SLC9A9: variants seen among roughly 807,000 people sequenced by gnomAD.
The protein encoded by SLC9A9 is solute carrier family 9 member A9, also known as sodium/hydrogen exchanger 9.
In SLC9A9, 62 loss-of-function variants were observed where a neutral mutation model predicts 77.8. That is an observed-to-expected ratio of 0.80 (90% CI 0.65 to 0.98). SLC9A9 has a LOEUF of 0.98. SLC9A9 is among the 50% of genes least tolerant of loss of function. The probability of loss-of-function intolerance (pLI) is 0.00; values close to 1 mark genes in which losing one functional copy is unlikely to be tolerated. For missense variants in SLC9A9, 775 were observed against 774.9 expected (o/e 1.00, Z 0.00); for synonymous variants, 320 against 283.5 (o/e 1.13, Z -1.29).
At chr3:143,738,088 C>T (rs148518505) in intron 4 of SLC9A9, among the ~76,000 whole-genome samples, 3 of 152,282 alleles carry the variant, frequency 2.0e-5, no homozygotes, top group South Asian at 2.1e-4. Flanking sequence ...GACTCTGTTA[C>T]CACTGATATG....
chr3:143,677,468 T>C (rs1560026735), intron 5 of SLC9A9, among the ~76,000 whole-genome samples: 1 of 152,232 alleles, frequency 6.6e-6, no homozygotes, highest in African/African-American at 2.4e-5. Flanking sequence ...TACACATTCT[T>C]GTTCATATAT....
chr3:143,826,783 T>TC (rs1168199456), intron 2 of SLC9A9, among the ~76,000 whole-genome samples: 2 of 151,978 alleles, frequency 1.3e-5, no homozygotes, highest in African/African-American at 4.8e-5. Flanking sequence ...CTCCCCTCTG[T>TC]CCCCCCAACA....
intron 14 of SLC9A9, among the ~76,000 whole-genome samples, chr3:143,355,764 G>A (rs377531887): frequency 2.0e-5 from 3 of 152,192 alleles, no homozygotes; most frequent in Non-Finnish European, 2.9e-5. Context: ...CTTGATAAAC[G>A]TGATAAGCGA....
At chr3:143,477,606 AT>A (rs200077632) in intron 11 of SLC9A9, among the ~76,000 whole-genome samples, 1,764 of 152,146 alleles carry the variant, frequency 0.012, 31 homozygotes, top group African/African-American at 0.04. Flanking sequence ...ACCCAGTTCC[AT>A]TGTTACATCA....
intron 8 of SLC9A9, among the ~76,000 whole-genome samples, chr3:143,557,694 G>A (rs2037010955): frequency 6.6e-6 from 1 of 152,214 alleles, no homozygotes; most frequent in African/African-American, 2.4e-5. Context: ...CTTTAGCAAA[G>A]AGACTGGTGG....
At chr3:143,646,008 C>T (rs964193428) in intron 6 of SLC9A9, among the ~76,000 whole-genome samples, 1 of 151,990 alleles carries the variant, frequency 6.6e-6, no homozygotes, top group South Asian at 2.1e-4. Context: ...CCCAAAACAG[C>T]CAACATCTTC....
At chr3:143,839,281 G>A (rs1172567120) in intron 1 of SLC9A9, among the ~76,000 whole-genome samples, 7 of 152,134 alleles carry the variant, frequency 4.6e-5, no homozygotes, top group Admixed American at 4.6e-4. Context: ...TTTCAGAACA[G>A]GTCTGGGACA....
chr3:143,713,373 G>A lies in SLC9A9; in HGVS notation c.534-20066C>T, dbSNP rs566143032. On this transcript the variant is annotated intron_variant, in intron 4 of 15. Coordinates refer to ENST00000316549, the MANE Select transcript of SLC9A9 (RefSeq NM_173653.4). ...GAAACATGTTAGGTGGGTAAGAGTTGTAGGGCTGTGTTTGCTGGCTGGGAG... is the reference window on the plus strand; with the variant it reads ...GAAACATGTTAGGTGGGTAAGAGTTATAGGGCTGTGTTTGCTGGCTGGGAG... Among the ~76,000 whole-genome samples the A allele has an allele frequency of 8.5e-5, 13 of 152,326 alleles. No homozygotes were observed. In the South Asian group the frequency reaches 2.1e-3, roughly 24 times the overall value.
At chr3:143,649,680 C>T (rs2038766197) in intron 6 of SLC9A9, among the ~76,000 whole-genome samples, 1 of 152,084 alleles carries the variant, frequency 6.6e-6, no homozygotes, top group Non-Finnish European at 1.5e-5. Context: ...AAAGTTGGTT[C>T]TTAAGCAAGG....
At chr3:143,676,148 G>A (rs1183362335) in intron 5 of SLC9A9, among the ~76,000 whole-genome samples, 2 of 152,060 alleles carry the variant, frequency 1.3e-5, no homozygotes, top group Non-Finnish European at 2.9e-5. Flanking sequence ...TAATGCTGCC[G>A]CTGATCTGAC....
At chr3:143,664,096 C>A (rs981476742) in intron 5 of SLC9A9, among the ~76,000 whole-genome samples, 1 of 152,036 alleles carries the variant, frequency 6.6e-6, no homozygotes, top group African/African-American at 2.4e-5. Flanking sequence ...TCAGGTTGCC[C>A]ACAAAGGGAA....
intron 12 of SLC9A9, among the ~76,000 whole-genome samples, chr3:143,386,919 C>A (rs1344463158): frequency 1.3e-5 from 2 of 152,216 alleles, no homozygotes; most frequent in African/African-American, 4.8e-5. Context: ...TGGTTCACTG[C>A]AACCTCCACC....
At chr3:143,819,750 G>A (rs1475658948) in intron 2 of SLC9A9, among the ~76,000 whole-genome samples, 1 of 152,214 alleles carries the variant, frequency 6.6e-6, no homozygotes, top group Non-Finnish European at 1.5e-5. Flanking sequence ...AGTCATAATA[G>A]TAAGTAATTA....
rs532565240 is a variant in SLC9A9 at position 143,537,711 on chromosome 3, G to C, written c.1089+14651C>G. Among the ~76,000 whole-genome samples the C allele has an allele frequency of 1.3e-4, 20 of 152,292 alleles. No homozygotes were observed. In the East Asian group the frequency reaches 3.7e-3, roughly 28 times the overall value. On this transcript the variant is annotated intron_variant, in intron 9 of 15. Transcript: ENST00000316549. ...CATTCCGGGGATGGGGTGGGCTCCA[G>C]CAGGGTCACTTGTGTTCCCAGGGAA... is the stretch of plus-strand genomic sequence containing the variant.
At chr3:143,573,442 C>T (rs1308446844) in intron 8 of SLC9A9, among the ~76,000 whole-genome samples, 2 of 152,082 alleles carry the variant, frequency 1.3e-5, no homozygotes, top group African/African-American at 4.8e-5. Flanking sequence ...AGCACAAATC[C>T]TCATGGTTGC....
intron 4 of SLC9A9, among the ~76,000 whole-genome samples, chr3:143,773,567 C>G (rs541121840): frequency 1.3e-5 from 2 of 151,760 alleles, no homozygotes; most frequent in East Asian, 3.9e-4. Flanking sequence ...TCACTGCAAC[C>G]TCTGCCCCCT....
chr3:143,420,747 T>A (rs943568880), intron 12 of SLC9A9, among the ~76,000 whole-genome samples: 1 of 152,140 alleles, frequency 6.6e-6, no homozygotes, highest in African/African-American at 2.4e-5. Context: ...GGTGGTAGCA[T>A]TATTCACATT....
At chr3:143,683,846 C>T (rs373072623) in intron 5 of SLC9A9, among the ~76,000 whole-genome samples, 30 of 151,964 alleles carry the variant, frequency 2.0e-4, no homozygotes, top group Admixed American at 5.2e-4. Flanking sequence ...TAGTTGGTCA[C>T]GGGAGAACTA....
At chr3:143,648,077 T>C (rs943353032) in intron 6 of SLC9A9, among the ~76,000 whole-genome samples, 18 of 152,108 alleles carry the variant, frequency 1.2e-4, no homozygotes, top group Non-Finnish European at 2.5e-4. Flanking sequence ...ATTATATTTA[T>C]ATTTATATAG....
Sources: allele counts gnomAD v4.1 joint callset (sites outside exome capture counted in the v4.1 genomes callset), GRCh38; gene constraint gnomAD v4.1.1; transcripts MANE v1.5; gene names NCBI Gene and HGNC (gene_info 2026-07-23, HGNC 2026-07-21).